Variants in EPB41L4A observed in about 807,000 individuals in gnomAD.
EPB41L4A encodes the protein band 4.1-like protein 4A.
Under a neutral mutation model 108.6 loss-of-function variants are expected in EPB41L4A, and 100 were observed. That is an observed-to-expected ratio of 0.92 (90% CI 0.78 to 1.09). The LOEUF is 1.09. EPB41L4A is among the 50% of genes least tolerant of loss of function. EPB41L4A has a pLI of 0.00. For synonymous variants in EPB41L4A, 319 were observed against 289.0 expected (o/e 1.10, Z -1.05); for missense variants, 1,030 against 842.7 (o/e 1.22, Z -2.75).
At chr5:112,396,145 T>C (rs1480452277) in intron 1 of EPB41L4A, among the ~76,000 whole-genome samples, 1 of 152,082 alleles carries the variant, frequency 6.6e-6, no homozygotes, top group Non-Finnish European at 1.5e-5. Context: ...AGATACCTAA[T>C]GTAAATGACG....
chr5:112,349,449 C>T (rs569253410), intron 1 of EPB41L4A, among the ~76,000 whole-genome samples: 30 of 152,038 alleles, frequency 2.0e-4, no homozygotes, highest in Non-Finnish European at 4.0e-4. Flanking sequence ...TTGCTGAGAC[C>T]GAGGAGGAGT....
intron 15 of EPB41L4A, among the ~76,000 whole-genome samples, chr5:112,197,618 A>G (rs1762026193): frequency 6.6e-6 from 1 of 152,170 alleles, no homozygotes; most frequent in East Asian, 1.9e-4. Context: ...TAATTCTTCA[A>G]ACTCTGAGAG....
chr5:112,185,240 T>C (rs989430023), intron 17 of EPB41L4A, among the ~76,000 whole-genome samples: 2 of 152,190 alleles, frequency 1.3e-5, no homozygotes, highest in East Asian at 1.9e-4. Flanking sequence ...ACCCCAGTAC[T>C]GCAACTGCAT....
intron 18 of EPB41L4A, among the ~76,000 whole-genome samples, chr5:112,176,928 T>C (rs1760898828): frequency 6.6e-6 from 1 of 151,840 alleles, no homozygotes; most frequent in Admixed American, 6.6e-5. Flanking sequence ...CTAATTTTTG[T>C]ATTTTTAGTA....
chr5:112,392,707 C>G (rs1761035937), intron 1 of EPB41L4A: 1 of 152,066 alleles, frequency 6.6e-6, no homozygotes, highest in Non-Finnish European at 1.5e-5. Flanking sequence ...AAAGGATATC[C>G]AAGAATTGAA....
chr5:112,255,280 C>A (rs1750997215), intron 9 of EPB41L4A, among the ~76,000 whole-genome samples: 1 of 152,202 alleles, frequency 6.6e-6, no homozygotes. Context: ...CAATTCTTAT[C>A]TTCCTGTTAC....
At chr5:112,172,552 A>G (rs1458348122) in intron 18 of EPB41L4A, among the ~76,000 whole-genome samples, 3 of 151,976 alleles carry the variant, frequency 2.0e-5, no homozygotes, top group Admixed American at 6.6e-5. Flanking sequence ...TACAAATCAT[A>G]GAAACTGCTT....
At chr5:112,145,583 C>T (rs963267635) in intron 13 of EPB41L4A, among the ~76,000 whole-genome samples, 4 of 152,208 alleles carry the variant, frequency 2.6e-5, no homozygotes, top group African/African-American at 7.2e-5. Context: ...TGTATACATG[C>T]TATTGACTTT....
At chr5:112,308,671 A>C (rs1259382851) in intron 1 of EPB41L4A, among the ~76,000 whole-genome samples, 1 of 152,182 alleles carries the variant, frequency 6.6e-6, no homozygotes, top group Non-Finnish European at 1.5e-5. Context: ...CAATAATCAC[A>C]ATGCCACAGT....
intron 12 of EPB41L4A, among the ~76,000 whole-genome samples, chr5:112,210,778 A>G (rs1416242884): frequency 1.1e-4 from 16 of 151,992 alleles, no homozygotes; most frequent in Admixed American, 1.0e-3. Context: ...CATGTACCTC[A>G]CTCAAGGAGG....
At chr5:112,279,216 T>C (rs1272985858) in intron 3 of EPB41L4A, among the ~76,000 whole-genome samples, 1 of 152,120 alleles carries the variant, frequency 6.6e-6, no homozygotes, top group African/African-American at 2.4e-5. Flanking sequence ...ACAACAATGA[T>C]GCTGACATTC....
chr5:112,375,431 C>CA (rs1315011342), intron 1 of EPB41L4A, among the ~76,000 whole-genome samples: 1 of 150,348 alleles, frequency 6.7e-6, no homozygotes, highest in Admixed American at 6.6e-5. Context: ...AAACACAATG[C>CA]AAAAAATGTT....
chr5:112,216,491 T>G (rs1018654744), intron 12 of EPB41L4A, among the ~76,000 whole-genome samples: 1 of 152,172 alleles, frequency 6.6e-6, no homozygotes, highest in Non-Finnish European at 1.5e-5. Flanking sequence ...AACATACAGC[T>G]AAACAAGTAA....
At chr5:112,281,895 T>C (rs4958030) in intron 2 of EPB41L4A, among the ~76,000 whole-genome samples, 26,506 of 152,152 alleles carry the variant, frequency 0.17, 2,494 homozygotes, top group East Asian at 0.35. Flanking sequence ...ACTCTATTCA[T>C]GCATATATAA....
At chr5:112,155,634 G>C (rs1422574359) in intron 12 of EPB41L4A, among the ~76,000 whole-genome samples, 4 of 151,986 alleles carry the variant, frequency 2.6e-5, no homozygotes, top group Non-Finnish European at 5.9e-5. Context: ...CTGAATAAAA[G>C]TCAAGAAAGT....
At chr5:112,185,345 C>T (rs568855344) in intron 17 of EPB41L4A, among the ~76,000 whole-genome samples, 2 of 152,172 alleles carry the variant, frequency 1.3e-5, no homozygotes, top group Non-Finnish European at 2.9e-5. Context: ...TCTGTTATTG[C>T]ACTTAGTATA....
intron 9 of EPB41L4A, among the ~76,000 whole-genome samples, chr5:112,241,075 C>A (rs1288797543): frequency 6.6e-6 from 1 of 151,990 alleles, no homozygotes; most frequent in African/African-American, 2.4e-5. Flanking sequence ...ATAGTTTGGA[C>A]GGTAGAAGTG....
At chr5:112,242,593 A>G (rs1331675709) in intron 9 of EPB41L4A, among the ~76,000 whole-genome samples, 1 of 152,194 alleles carries the variant, frequency 6.6e-6, no homozygotes, top group Admixed American at 6.5e-5. Flanking sequence ...TCCTGCCATA[A>G]ATCATAAATT....
chr5:112,232,660 T>C (rs942616881), intron 12 of EPB41L4A, among the ~76,000 whole-genome samples: 1 of 152,202 alleles, frequency 6.6e-6, no homozygotes, highest in Admixed American at 6.5e-5. Flanking sequence ...AAATGATAGA[T>C]GTCATAATGC....
Sources: gnomAD v4.1 joint callset for allele counts (sites outside exome capture counted in the v4.1 genomes callset) on GRCh38, gnomAD v4.1.1 for gene constraint, MANE v1.5 for transcripts, NCBI Gene and HGNC (gene_info 2026-07-23, HGNC 2026-07-21) for gene names.